Variants in USO1 observed in about 807,000 individuals in gnomAD.
The protein encoded by USO1 is USO1 vesicle transport factor.
Under a neutral mutation model 124.5 loss-of-function variants are expected in USO1, and 57 were observed. That is an observed-to-expected ratio of 0.46 (90% CI 0.37 to 0.57). USO1 has a LOEUF of 0.57. Ranked by LOEUF, USO1 falls within the 20% of genes least tolerant of loss-of-function variation. The probability of loss-of-function intolerance (pLI) is 0.00; values close to 1 mark genes in which losing one functional copy is unlikely to be tolerated. For synonymous variants in USO1, 369 were observed against 362.8 expected (o/e 1.02, Z -0.19); for missense variants, 900 against 1,040.6 (o/e 0.86, Z 1.86).
At chr4:75,808,245 T>C (rs1284972420) in intron 20 of USO1, among the ~76,000 whole-genome samples, 3 of 152,196 alleles carry the variant, frequency 2.0e-5, no homozygotes, top group Non-Finnish European at 2.9e-5. Context: ...TTTCAATTAA[T>C]ACCCTGGTTT....
At chr4:75,803,079 C>T (rs1293201317) in intron 17 of USO1, among the ~76,000 whole-genome samples, 2 of 110,658 alleles carry the variant, frequency 1.8e-5, no homozygotes, top group Admixed American at 2.2e-4. Flanking sequence ...AAGAGCGAAA[C>T]TCTGTCTCAA....
chr4:75,760,511 AT>A (rs1721575348), intron 4 of USO1: 5 of 391,224 alleles, frequency 1.3e-5, no homozygotes, highest in Non-Finnish European at 1.8e-5. Context: ...TTAAGCTCCT[AT>A]TTTACGTGTA....
chr4:75,743,742 C>A (rs1721032924), intron 1 of USO1, among the ~76,000 whole-genome samples: 1 of 152,120 alleles, frequency 6.6e-6, no homozygotes, highest in Non-Finnish European at 1.5e-5. Context: ...TTATAAAATA[C>A]AATAAAAATC....
chr4:75,770,654 T>A, intron 5 of USO1, 115 bp downstream of exon 5: 1 of 1,459,460 alleles, frequency 6.9e-7, no homozygotes, highest in Non-Finnish European at 9.1e-7. Flanking sequence ...GTTTATTGTA[T>A]TATAGCAAGA....
chr4:75,795,299 T>C (rs774623741), intron 13 of USO1: 2 of 701,722 alleles, frequency 2.9e-6, no homozygotes, highest in Non-Finnish European at 5.2e-6. Flanking sequence ...TCTAAAGTAG[T>C]AATATGTATG....
At chr4:75,727,370 G>T (rs1056653429) in intron 1 of USO1, among the ~76,000 whole-genome samples, 1 of 152,120 alleles carries the variant, frequency 6.6e-6, no homozygotes, top group African/African-American at 2.4e-5. Flanking sequence ...GTCCTTTCTT[G>T]TTCTTGCCTA....
At chr4:75,796,493 A>G (rs6822619) in intron 13 of USO1, among the ~76,000 whole-genome samples, 97,927 of 151,296 alleles carry the variant, frequency 0.65, 33,874 homozygotes, top group East Asian at 0.91. Flanking sequence ...GCACCACCAC[A>G]CCCAGCGAAT....
At chr4:75,782,083 G>A (rs1376127450) in intron 8 of USO1, among the ~76,000 whole-genome samples, 1 of 152,180 alleles carries the variant, frequency 6.6e-6, no homozygotes, top group Non-Finnish European at 1.5e-5. Context: ...GAGCTGTAAG[G>A]AAAATCAAGA....
chr4:75,776,856 GA>G (rs1429374965), intron 8 of USO1, among the ~76,000 whole-genome samples: 1 of 152,100 alleles, frequency 6.6e-6, no homozygotes, highest in African/African-American at 2.4e-5. Flanking sequence ...AGGAATTCTT[GA>G]AAAGCATTTA....
At position 75,780,442 on chromosome 4, in the gene USO1, A is replaced by AT. The variant is rs935944385; in HGVS notation, c.677-2227dup. ...CTACTGTGCCCGGCTAATTTTTTGT[A>AT]TTTTTTTTTTTAGTAGAGATGGGGC... On this transcript the variant is annotated intron_variant, in intron 8 of 23. Transcript: ENST00000514213. Among the ~76,000 whole-genome samples, 211 of 141,638 alleles carry AT rather than the reference A, an allele frequency of 1.5e-3. 1 individual carries two copies. Among genetic ancestry groups the AT allele is most frequent in the African/African-American group, 4.2e-3 (162 of 38,670 alleles). 92.9% of individuals were successfully genotyped at this position (141,638 alleles called of 152,430 possible). A position where few individuals can be genotyped will look rare whatever the true frequency, so the allele number is the denominator to read the frequency against.
intron 13 of USO1, 126 bp downstream of exon 13, chr4:75,794,027 A>T: frequency 1.4e-6 from 2 of 1,389,822 alleles, no homozygotes; most frequent in Non-Finnish European, 1.9e-6. Context: ...TTAGTTCATC[A>T]TAATCAGAAA....
At chr4:75,809,149 A>G (rs941165200) in intron 21 of USO1, 98 bp downstream of exon 21, 15 of 1,350,128 alleles carry the variant, frequency 1.1e-5, no homozygotes, top group Middle Eastern at 2.0e-4. Flanking sequence ...ATCAGATAGC[A>G]CCTTCTCTTT....
In USO1 at chr4:75,757,830, T is replaced by A. The variant is rs796670903; in HGVS notation, c.295+257T>A. On this transcript the variant is annotated intron_variant, in intron 4 of 23. Coordinates refer to ENST00000514213, the MANE Select transcript of USO1 (RefSeq NM_003715.4). ...AACTAATATTTTTGCCCGCTTGTGT[T>A]TGGTTTTAGTTAGGCAGTATGCATA... Among the ~76,000 whole-genome samples, 7 of 152,226 alleles carry A rather than the reference T, an allele frequency of 4.6e-5. No individual in the cohort carries two copies. The South Asian group carries it at 1.4e-3, about 32-fold the overall frequency.
At chr4:75,754,401 G>T (rs917820626) in intron 3 of USO1, among the ~76,000 whole-genome samples, 3 of 152,150 alleles carry the variant, frequency 2.0e-5, no homozygotes, top group African/African-American at 7.2e-5. Context: ...CTTTTTAAGA[G>T]ATTTTATCTC....
intron 1 of USO1, among the ~76,000 whole-genome samples, chr4:75,748,124 G>A (rs146658108): frequency 2.0e-5 from 3 of 151,338 alleles, no homozygotes; most frequent in African/African-American, 7.3e-5. Flanking sequence ...GGCTGGTCTC[G>A]AACTCCTGAC....
intron 13 of USO1, among the ~76,000 whole-genome samples, chr4:75,798,646 C>T (rs1305164196): frequency 6.6e-6 from 1 of 152,018 alleles, no homozygotes; most frequent in East Asian, 1.9e-4. Context: ...AAGATATTGG[C>T]ATCAAGGTTT....
At chr4:75,733,477 T>TTTTG (rs1189143329) in intron 1 of USO1, among the ~76,000 whole-genome samples, 1 of 152,142 alleles carries the variant, frequency 6.6e-6, no homozygotes, top group Non-Finnish European at 1.5e-5. Flanking sequence ...AACATCTGTT[T>TTTTG]TTTGTTTGTT....
intron 8 of USO1, among the ~76,000 whole-genome samples, chr4:75,781,066 G>T (rs556255009): frequency 6.6e-5 from 10 of 152,102 alleles, no homozygotes; most frequent in Non-Finnish European, 1.3e-4. Flanking sequence ...GAAACGATTT[G>T]CCATTCTAGA....
chr4:75,792,432 G>A (rs1293114363), intron 12 of USO1, among the ~76,000 whole-genome samples: 4 of 152,230 alleles, frequency 2.6e-5, no homozygotes, highest in Non-Finnish European at 5.9e-5. Context: ...AGCTATGGGG[G>A]AGACTGAGGC....
Sources: allele counts gnomAD v4.1 joint callset (sites outside exome capture counted in the v4.1 genomes callset), GRCh38; gene constraint gnomAD v4.1.1; transcripts MANE v1.5; gene names NCBI Gene and HGNC (gene_info 2026-07-23, HGNC 2026-07-21).